Variants in HOXB3 observed in about 807,000 individuals in gnomAD.
HOXB3 encodes homeobox protein Hox-B3.
HOXB3 carries 17 observed loss-of-function variants against 29.2 expected under a neutral mutation model. The ratio of observed to expected loss-of-function variants is 0.58; its 90% CI spans 0.40 to 0.87. HOXB3 has a LOEUF of 0.87. Among genes scored for constraint, HOXB3 ranks in the 40% least tolerant of loss-of-function variants. The pLI is 0.00. For missense variants in HOXB3, 637 were observed against 616.3 expected (o/e 1.03, Z -0.35); for synonymous variants, 317 against 285.9 (o/e 1.11, Z -1.10).
chr17:48,567,997 C>T (rs775886554), intron 2 of HOXB3, among the ~76,000 whole-genome samples: 3 of 152,198 alleles, frequency 2.0e-5, no homozygotes, highest in Admixed American at 6.5e-5. Context: ...CCCCCAGACA[C>T]ATCAGTCCTA....
intron 1 of HOXB3, chr17:48,582,606 G>C (rs982195270): frequency 1.3e-5 from 2 of 152,162 alleles, no homozygotes; most frequent in Non-Finnish European, 2.9e-5. Context: ...CCTCCCCCAC[G>C]AGCAGGCAGT....
chr17:48,578,550 C>T, intron 1 of HOXB3: 2 of 447,484 alleles, frequency 4.5e-6, no homozygotes, highest in Non-Finnish European at 3.9e-6. Context: ...TCCCCCTCCC[C>T]ACCCACCCAC....
chr17:48,554,712 C>CGGCCGAG lies in HOXB3; in HGVS notation c.-159+812_-159+818dup, dbSNP rs1567948510. The CGGCCGAG allele has an allele frequency of 2.8e-6, 2 of 702,346 alleles. No homozygotes were observed. The highest frequency in any genetic ancestry group is 2.0e-5 in the Admixed American group (1 of 50,008). 43.5% of individuals were successfully genotyped at this position (702,346 alleles called of 1,614,324 possible). A position where few individuals can be genotyped will look rare whatever the true frequency, so the allele number is the denominator to read the frequency against. On this transcript the variant is annotated intron_variant, in intron 3 of 4. Transcript: ENST00000498678. This position sits in a 1 kb window ranked among gnomAD's most constrained non-coding sequence, Gnocchi z 4.1. ...GGAGGCAGGTTCCCAGCACACCAGCCGGCCGAGGGCCGAGCCCCGCGGGCG... is the reference window on the plus strand; with the variant it reads ...GGAGGCAGGTTCCCAGCACACCAGCCGGCCGAGGGCCGAGGGCCGAGCCCCGCGGGCG...
In HOXB3 at chr17:48,554,474, G is replaced by A. The variant is rs2068881245; in HGVS notation, c.-159+1057C>T. On this transcript the variant is annotated intron_variant, in intron 3 of 4. Coordinates refer to ENST00000498678, the MANE Select transcript of HOXB3 (RefSeq NM_001384749.1). This position sits in a 1 kb window ranked among gnomAD's most constrained non-coding sequence, Gnocchi z 4.1. ...AGGCCAGGCGAGTGTGGAAAGCGAAGGAGCCAGAGACGCGATAGGAAAGAA... is the reference window on the plus strand; with the variant it reads ...AGGCCAGGCGAGTGTGGAAAGCGAAAGAGCCAGAGACGCGATAGGAAAGAA... The A allele has an allele frequency of 1.5e-5, 9 of 603,960 alleles. No individual in the cohort carries two copies. In the South Asian group the frequency reaches 1.8e-4, roughly 12 times the overall value. The allele number at this position is 603,960 out of a possible 1,614,324, so 37.4% of individuals were successfully genotyped here. A position where few individuals can be genotyped will look rare whatever the true frequency, so the allele number is the denominator to read the frequency against.
At chr17:48,589,461 G>A (rs1024018005) in intron 1 of HOXB3, among the ~76,000 whole-genome samples, 3 of 151,948 alleles carry the variant, frequency 2.0e-5, no homozygotes, top group Admixed American at 6.6e-5. Context: ...ATCCTACTTC[G>A]AGCCAAGGAG....
At chr17:48,555,335 G>GAGAGGGAGA in intron 3 of HOXB3, 196 bp downstream of exon 3, 1 of 470,184 alleles carries the variant, frequency 2.1e-6, no homozygotes, top group Non-Finnish European at 3.6e-6. Flanking sequence ...AGAGAGAGAG[G>GAGAGGGAGA]GAGAGAGAGA....
chr17:48,550,752 G>T lies in HOXB3; in HGVS notation c.878C>A (p.Ala293Asp). Residue 293 changes from alanine to aspartate, a missense_variant, in exon 5 of 5, where the codon GCC (alanine) becomes GAC (aspartate). By Grantham distance (126) the Ala-to-Asp change is moderately radical. Transcript: ENST00000498678. Reference protein sequence around the residue: ...TPSYESPSPPAFGKAHQNAYA... With the variant: ...TPSYESPSPPDFGKAHQNAYA... ...GGCATTCTGGTGGGCTTTACCGAAGGCGGGTGGGGACGGGCTCTCGTAGCT... is the reference window on the plus strand; with the variant it reads ...GGCATTCTGGTGGGCTTTACCGAAGTCGGGTGGGGACGGGCTCTCGTAGCT... 6.3e-7 allele frequency: 1 copy of T among 1,593,464 alleles called. No individual in the cohort carries two copies. The highest frequency in any genetic ancestry group is 8.6e-7 in the Non-Finnish European group (1 of 1,167,278).
chr17:48,571,998 G>T (rs1254858137), intron 2 of HOXB3, among the ~76,000 whole-genome samples: 1 of 152,140 alleles, frequency 6.6e-6, no homozygotes, highest in African/African-American at 2.4e-5. Context: ...GTCTGTATCT[G>T]TCTCTCTTTC....
intron 1 of HOXB3, among the ~76,000 whole-genome samples, chr17:48,586,521 G>GC (rs1272711853): frequency 1.3e-5 from 2 of 152,142 alleles, no homozygotes; most frequent in African/African-American, 4.8e-5. Context: ...CGGCGCTGCT[G>GC]CCCCCGTCTG....
intron 2 of HOXB3, among the ~76,000 whole-genome samples, chr17:48,569,615 C>T (rs2069516869): frequency 6.6e-6 from 1 of 152,096 alleles, no homozygotes; most frequent in African/African-American, 2.4e-5. Context: ...CCATTTTTTC[C>T]CCAACTCCTG....
chr17:48,551,328 T>G lies in HOXB3; in HGVS notation c.449-147A>C, dbSNP rs532463291. ...CCCTCCCCTTCGGGTCCCCGCCGCC[T>G]CCTCACTCCCCCACCCCACCGCCCG... is the stretch of plus-strand genomic sequence containing the variant. On this transcript the variant is annotated intron_variant, in intron 4 of 4. Transcript: ENST00000498678. 305 of 963,536 alleles carry G rather than the reference T, an allele frequency of 3.2e-4. 1 individual carries two copies. The African/African-American group carries it at 5.1e-3, about 16-fold the overall frequency. The allele number at this position is 963,536 out of a possible 1,614,324, so 59.7% of individuals were successfully genotyped here.
Position 48,550,724 on chromosome 17 carries a change from G to C in HOXB3, c.906C>G (p.Tyr302Ter). ...GGGGCTGGTAGTTGGAGGGCAGCGCGTAGGCATTCTGGTGGGCTTTACCGA... is the reference window on the plus strand; with the variant it reads ...GGGGCTGGTAGTTGGAGGGCAGCGCCTAGGCATTCTGGTGGGCTTTACCGA... ...PAFGKAHQNA[Y>*]ALPSNYQPPL... The change falls in exon 5 of 5, where the codon TAC becomes TAG. Residue 302 changes from tyrosine (Y) to a stop codon, truncating the protein, a stop_gained. Transcript: ENST00000498678. LOFTEE classifies it high-confidence loss of function. 6.4e-7 allele frequency: 1 copy of C among 1,572,202 alleles called. No individual in the cohort carries two copies. Among genetic ancestry groups the C allele is most frequent in the South Asian group, 1.2e-5 (1 of 84,284 alleles).
At position 48,549,947 on chromosome 17, in the gene HOXB3, G is replaced by GT. The variant is rs1401241165; in HGVS notation, c.*386dup. ...GGGGAATTACCTACAAAGATGTAAG[G>GT]TAAGTCCGTTGGTTGGTGATGGCCT... On this transcript the variant is annotated 3_prime_UTR_variant, in exon 5 of 5. Transcript: ENST00000498678. The GT allele has an allele frequency of 5.7e-6, 1 of 176,526 alleles. No homozygotes were observed. Among genetic ancestry groups the GT allele is most frequent in the East Asian group, 1.7e-4 (1 of 6,046 alleles). The allele number at this position is 176,526 out of a possible 1,614,324, so 10.9% of individuals were successfully genotyped here. A position where few individuals can be genotyped will look rare whatever the true frequency, so the allele number is the denominator to read the frequency against.
chr17:48,555,265 T>C (rs1483731930), intron 3 of HOXB3: 5 of 535,672 alleles, frequency 9.3e-6, no homozygotes, highest in Non-Finnish European at 1.7e-5. Flanking sequence ...GCCCTGGATC[T>C]GGCTGCTGAA....
At chr17:48,555,140 G>A (rs1252435950) in intron 3 of HOXB3, among the ~76,000 whole-genome samples, 1 of 152,056 alleles carries the variant, frequency 6.6e-6, no homozygotes, top group Non-Finnish European at 1.5e-5. Context: ...GAAGCCCCGA[G>A]AGAGGGGATA....
chr17:48,587,949 G>A (rs867244761), intron 1 of HOXB3, among the ~76,000 whole-genome samples: 2 of 152,354 alleles, frequency 1.3e-5, no homozygotes, highest in African/African-American at 4.8e-5. Context: ...TTGGCCAGAG[G>A]GTACCGGCTT....
chr17:48,550,379 A>T lies in HOXB3; in HGVS notation c.1251T>A (p.Pro417=). ...YTDLSSHHAP[P]PQGRIQEAPK... Reference sequence around the variant, plus strand: ...GCGCTTCTTGGATTCTACCCTGAGGAGGAGGCGCGTGGTGAGAGGAGAGGT... The same window carrying T: ...GCGCTTCTTGGATTCTACCCTGAGGTGGAGGCGCGTGGTGAGAGGAGAGGT... The change falls in exon 5 of 5, where the codon CCT becomes CCA. Residue 417 remains proline (P), a synonymous_variant. Coordinates refer to ENST00000498678, the MANE Select transcript of HOXB3 (RefSeq NM_001384749.1). The T allele has an allele frequency of 3.7e-6, 6 of 1,614,012 alleles. No individual in the cohort carries two copies. Among genetic ancestry groups the T allele is most frequent in the Non-Finnish European group, 5.1e-6 (6 of 1,180,004 alleles).
intron 4 of HOXB3, 122 bp from the exon 5 acceptor site, chr17:48,551,303 C>A: frequency 9.3e-6 from 11 of 1,182,292 alleles, no homozygotes; most frequent in Non-Finnish European, 1.2e-5. Context: ...GCCCCCGCCG[C>A]CCTCCCCTTC....
At chr17:48,573,716 A>G in intron 2 of HOXB3, 121 bp downstream of exon 2, 1 of 628,954 alleles carries the variant, frequency 1.6e-6, no homozygotes, top group Non-Finnish European at 2.8e-6. Flanking sequence ...TCCACCATAA[A>G]AACCCAGCCA....
Sources: gnomAD v4.1 joint callset for allele counts (sites outside exome capture counted in the v4.1 genomes callset) on GRCh38, gnomAD v4.1.1 for gene constraint, Gnocchi (gnomAD v3.1) non-coding constraint, MANE v1.5 for transcripts, NCBI Gene and HGNC (gene_info 2026-07-23, HGNC 2026-07-21) for gene names.